Variants in ATP6V1B1 observed in about 807,000 individuals in gnomAD.
ATP6V1B1 encodes ATPase H+ transporting V1 subunit B1.
ATP6V1B1 carries 41 observed loss-of-function variants against 62.1 expected under a neutral mutation model. That is an observed-to-expected ratio of 0.66 (90% CI 0.51 to 0.86). ATP6V1B1 has a LOEUF of 0.86. Ranked by LOEUF, ATP6V1B1 falls within the 40% of genes least tolerant of loss-of-function variation. The pLI is 0.00. For synonymous variants in ATP6V1B1, 253 were observed against 273.4 expected, an observed-to-expected ratio of 0.93 and a Z score of 0.74; for missense variants, 651 against 697.5, an observed-to-expected ratio of 0.93 and a Z score of 0.75.
At chr2:70,940,330 C>G in intron 1 of ATP6V1B1, 20 of 833,456 alleles carry the variant, frequency 2.4e-5, no homozygotes, top group Admixed American at 6.2e-5. Context: ...TGGGCCCCAT[C>G]CCCTCCCACA....
At chr2:70,961,135 C>A in intron 7 of ATP6V1B1, 113 bp downstream of exon 7, 3 of 1,153,280 alleles carry the variant, frequency 2.6e-6, no homozygotes, top group East Asian at 2.6e-5. Flanking sequence ...TCCCGGCCAG[C>A]CAGGAGGGGT....
chr2:70,943,944 C>T (rs1680080395), intron 2 of ATP6V1B1: 1 of 941,640 alleles, frequency 1.1e-6, no homozygotes, highest in East Asian at 1.2e-4. Flanking sequence ...CCATGGAGGC[C>T]CAGCCCTGGG....
chr2:70,956,796 C>A (rs1170371034), intron 2 of ATP6V1B1, among the ~76,000 whole-genome samples: 1 of 152,062 alleles, frequency 6.6e-6, no homozygotes, highest in East Asian at 1.9e-4. Flanking sequence ...CACCATGTTC[C>A]CCAGGCTGAT....
intron 1 of ATP6V1B1, 34 bp from the exon 2 acceptor site, chr2:70,943,624 G>A: frequency 1.2e-6 from 2 of 1,608,292 alleles, no homozygotes; most frequent in Non-Finnish European, 8.5e-7. Flanking sequence ...GGTGTTTGGG[G>A]TGAGACCCCT....
At chr2:70,944,179 TTGA>T (rs1680087592) in intron 2 of ATP6V1B1, 1 of 1,287,848 alleles carries the variant, frequency 7.8e-7, no homozygotes. Flanking sequence ...TCTAGGGATC[TTGA>T]TGGCCTCCAA....
At chr2:70,951,030 G>C (rs1985584) in intron 2 of ATP6V1B1, among the ~76,000 whole-genome samples, 131,942 of 148,828 alleles carry the variant, frequency 0.89, 58,671 homozygotes, top group African/African-American at 0.97. Context: ...GCAACCTCCA[G>C]CTCCCCGGTT....
intron 1 of ATP6V1B1, chr2:70,942,208 G>A (rs59770807): frequency 0.012 from 5,330 of 431,970 alleles, 150 homozygotes; most frequent in African/African-American, 0.068. Flanking sequence ...GTGGGAATAG[G>A]AAGGAAGAAG....
intron 2 of ATP6V1B1, among the ~76,000 whole-genome samples, chr2:70,945,699 G>GATATAT (rs1450719874): frequency 0.024 from 1,644 of 69,892 alleles, 227 homozygotes; most frequent in Middle Eastern, 0.038. Flanking sequence ...GCTATTTGAA[G>GATATAT]AGATATATAT....
In ATP6V1B1 at chr2:70,959,854, C is replaced by A; in HGVS notation, c.446-85C>A. On this transcript the variant is annotated intron_variant, in intron 5 of 13. Coordinates refer to ENST00000234396, the MANE Select transcript of ATP6V1B1 (RefSeq NM_001692.4). This position sits in a 1 kb window ranked among gnomAD's most constrained non-coding sequence, Gnocchi z 4.2. ...TCACAGAAAGTTCCGTCAAACAGGGCGGCTCTGGAGTCTGGGGTCAGTGTC... is the reference window on the plus strand; with the variant it reads ...TCACAGAAAGTTCCGTCAAACAGGGAGGCTCTGGAGTCTGGGGTCAGTGTC... The A allele has an allele frequency of 6.2e-7, 1 of 1,604,006 alleles. No individual in the cohort carries two copies. The highest frequency in any genetic ancestry group is 8.5e-7 in the Non-Finnish European group (1 of 1,172,600).
At chr2:70,940,685 TCTA>T in intron 1 of ATP6V1B1, 5 of 985,418 alleles carry the variant, frequency 5.1e-6, no homozygotes, top group Non-Finnish European at 6.0e-6. Flanking sequence ...CTCTTTCTCT[TCTA>T]CTCTCTGCCT....
intron 2 of ATP6V1B1, among the ~76,000 whole-genome samples, chr2:70,947,951 C>T (rs782243138): frequency 6.6e-6 from 1 of 152,174 alleles, no homozygotes; most frequent in Non-Finnish European, 1.5e-5. Flanking sequence ...CCCAGGTACC[C>T]ACTGCCATAA....
At chr2:70,942,210 A>G (rs1680021993) in intron 1 of ATP6V1B1, 2 of 430,308 alleles carry the variant, frequency 4.6e-6, no homozygotes, top group South Asian at 2.5e-4. Flanking sequence ...GGGAATAGGA[A>G]GGAAGAAGAG....
chr2:70,936,978 A>G (rs1553415503), intron 1 of ATP6V1B1, among the ~76,000 whole-genome samples: 1 of 152,162 alleles, frequency 6.6e-6, no homozygotes, highest in Non-Finnish European at 1.5e-5. Flanking sequence ...GAACCCCTGC[A>G]TCTCCTTGTC....
At position 70,964,348 on chromosome 2, in the gene ATP6V1B1, A is replaced by C. The variant is rs906337722; in HGVS notation, c.1144-90A>C. ...TGTTGACCCCTCGGAATGTAGGATA[A>C]GTGAGGAGCTTCTCCTGAGAACAAT... On this transcript the variant is annotated intron_variant, in intron 11 of 13. Coordinates refer to ENST00000234396, the MANE Select transcript of ATP6V1B1 (RefSeq NM_001692.4). The C allele has an allele frequency of 6.7e-6, 9 of 1,346,410 alleles. No individual in the cohort carries two copies. In the African/African-American group the frequency reaches 1.2e-4, roughly 17 times the overall value. The allele number at this position is 1,346,410 out of a possible 1,614,324, so 83.4% of individuals were successfully genotyped here. A position where few individuals can be genotyped will look rare whatever the true frequency, so the allele number is the denominator to read the frequency against.
rs1679913186 is a variant in ATP6V1B1 at position 70,938,564 on chromosome 2, T to A, written c.118+2492T>A. ...AGGTGGGCTAAAGAGGCCTGAGACT[T>A]TAAGGCTGATTTCACTGCAGTGGCT... On this transcript the variant is annotated intron_variant, in intron 1 of 13. Transcript: ENST00000234396. 7 of 985,006 alleles carry A rather than the reference T, an allele frequency of 7.1e-6. No individual in the cohort carries two copies. The South Asian group carries it at 2.4e-4, about 33-fold the overall frequency. The allele number at this position is 985,006 out of a possible 1,614,324, so 61.0% of individuals were successfully genotyped here.
chr2:70,936,559 T>G (rs1433126243), intron 1 of ATP6V1B1, among the ~76,000 whole-genome samples: 1 of 151,920 alleles, frequency 6.6e-6, no homozygotes, highest in Non-Finnish European at 1.5e-5. Flanking sequence ...CATCAATGGG[T>G]GCATGTCGTA....
chr2:70,942,201 G>A, intron 1 of ATP6V1B1: 1 of 435,100 alleles, frequency 2.3e-6, no homozygotes, highest in Non-Finnish European at 3.8e-6. Context: ...CTCCTTAGTG[G>A]GAATAGGAAG....
intron 7 of ATP6V1B1, 87 bp downstream of exon 7, chr2:70,961,109 G>A (rs1364315568): frequency 4.2e-5 from 58 of 1,393,404 alleles, no homozygotes; most frequent in Non-Finnish European, 5.5e-5. Flanking sequence ...CTGATCTGAT[G>A]GGGAAGCCAT....
In ATP6V1B1 at chr2:70,938,562, C is replaced by T. The variant is rs550152002; in HGVS notation, c.118+2490C>T. ...GGAGGTGGGCTAAAGAGGCCTGAGA[C>T]TTTAAGGCTGATTTCACTGCAGTGG... On this transcript the variant is annotated intron_variant, in intron 1 of 13. Coordinates refer to ENST00000234396, the MANE Select transcript of ATP6V1B1 (RefSeq NM_001692.4). The T allele has an allele frequency of 1.4e-5, 14 of 985,308 alleles. No homozygotes were observed. In the African/African-American group the frequency reaches 2.4e-4, roughly 17 times the overall value. 61.0% of individuals were successfully genotyped at this position (985,308 alleles called of 1,614,324 possible).
Sources: allele counts gnomAD v4.1 joint callset (sites outside exome capture counted in the v4.1 genomes callset), GRCh38; gene constraint gnomAD v4.1.1; non-coding constraint Gnocchi (gnomAD v3.1); transcripts MANE v1.5; gene names NCBI Gene and HGNC (gene_info 2026-07-23, HGNC 2026-07-21).